The following HEATR5B variants were observed in gnomAD, a reference collection of about 807,000 sequenced individuals.
The protein encoded by HEATR5B is HEAT repeat containing 5B.
In HEATR5B, 156 loss-of-function variants were observed where a neutral mutation model predicts 224.1. That is an observed-to-expected ratio of 0.70 (90% CI 0.61 to 0.80). The LOEUF is 0.80. Ranked by LOEUF, HEATR5B falls within the 30% of genes least tolerant of loss-of-function variation. The probability of loss-of-function intolerance (pLI) is 0.00; values close to 1 mark genes in which losing one functional copy is unlikely to be tolerated. For synonymous variants in HEATR5B, 1,027 were observed against 893.0 expected, an observed-to-expected ratio of 1.15 and a Z score of -2.68; for missense variants, 2,323 against 2,535.5, an observed-to-expected ratio of 0.92 and a Z score of 1.80.
At chr2:37,061,886 C>A in intron 11 of HEATR5B, 53 bp downstream of exon 11, 1 of 998,558 alleles carries the variant, frequency 1.0e-6, no homozygotes. Flanking sequence ...ATTTGCTTTA[C>A]AGGCTACTGA....
At chr2:37,051,008 T>C (rs1030556533) in intron 17 of HEATR5B, among the ~76,000 whole-genome samples, 9 of 152,106 alleles carry the variant, frequency 5.9e-5, no homozygotes, top group Non-Finnish European at 7.4e-5. Context: ...ATCACACCAC[T>C]GCACTCCAGC....
intron 27 of HEATR5B, among the ~76,000 whole-genome samples, chr2:37,012,262 C>A (rs1667833222): frequency 6.6e-6 from 1 of 152,168 alleles, no homozygotes; most frequent in African/African-American, 2.4e-5. Flanking sequence ...CTTTCAAGAT[C>A]AAGAAATACA....
Position 37,076,899 on chromosome 2 carries a change from T to C in HEATR5B, c.447+12A>G. 1 of 1,579,922 alleles carries C rather than the reference T, an allele frequency of 6.3e-7. No individual in the cohort carries two copies. The highest frequency in any genetic ancestry group is 8.7e-7 in the Non-Finnish European group (1 of 1,149,818). ...AAGCAAATATTCAAATAATATTGGT[T>C]GTAAAACTTACCTCTGCACTTTTCA... On this transcript the variant is annotated intron_variant, in intron 4 of 35. Transcript: ENST00000233099.
chr2:37,070,206 C>A lies in HEATR5B; in HGVS notation c.927+24G>T, dbSNP rs1671825420. The A allele has an allele frequency of 2.5e-6, 4 of 1,612,270 alleles. No homozygotes were observed. The South Asian group carries it at 3.3e-5, about 13-fold the overall frequency. On this transcript the variant is annotated intron_variant, in intron 7 of 35. Coordinates refer to ENST00000233099, the MANE Select transcript of HEATR5B (RefSeq NM_019024.3). ...TGAGCCACCGTGCCTGGCCAAAATT[C>A]TTTCACACATACGTGTTACAAACCT...
At chr2:37,082,112 C>G (rs915438050) in intron 2 of HEATR5B, among the ~76,000 whole-genome samples, 9 of 114,934 alleles carry the variant, frequency 7.8e-5, no homozygotes, top group African/African-American at 2.0e-4. Context: ...TCTTGTCCCC[C>G]GGGCTGGAGT....
intron 27 of HEATR5B, among the ~76,000 whole-genome samples, chr2:37,012,449 G>A (rs1286328517): frequency 6.6e-6 from 1 of 151,656 alleles, no homozygotes; most frequent in African/African-American, 2.4e-5. Flanking sequence ...GCAGTGCAAT[G>A]GCGTGATCTT....
chr2:37,001,341 C>T (rs895365892), intron 32 of HEATR5B, among the ~76,000 whole-genome samples: 8 of 152,060 alleles, frequency 5.3e-5, no homozygotes, highest in African/African-American at 1.9e-4. Context: ...CAACCTCCCA[C>T]AAAAGGAAAA....
At chr2:37,066,586 T>C (rs1044945866) in intron 8 of HEATR5B, among the ~76,000 whole-genome samples, 4 of 152,164 alleles carry the variant, frequency 2.6e-5, no homozygotes, top group Non-Finnish European at 5.9e-5. Flanking sequence ...CCCAACCTTT[T>C]AGCTTCCACT....
intron 26 of HEATR5B, among the ~76,000 whole-genome samples, chr2:37,018,463 CCAA>C (rs1668262455): frequency 6.6e-6 from 1 of 152,196 alleles, no homozygotes; most frequent in African/African-American, 2.4e-5. Flanking sequence ...CTATCTCTTA[CCAA>C]CAACGTTTCT....
intron 17 of HEATR5B, among the ~76,000 whole-genome samples, chr2:37,052,857 C>A (rs192337374): frequency 2.0e-5 from 3 of 152,260 alleles, no homozygotes; most frequent in African/African-American, 7.2e-5. Context: ...CAGGACAGTA[C>A]AAGATTTTAT....
At position 37,075,814 on chromosome 2, in the gene HEATR5B, A is replaced by G. The variant is rs1572945946; in HGVS notation, c.448-180T>C. 7.2e-6 allele frequency: 3 copies of G among 419,210 alleles called. No individual in the cohort carries two copies. The East Asian group carries it at 1.1e-4, about 16-fold the overall frequency. 26.0% of individuals were successfully genotyped at this position (419,210 alleles called of 1,614,324 possible). A position where few individuals can be genotyped will look rare whatever the true frequency, so the allele number is the denominator to read the frequency against. On this transcript the variant is annotated intron_variant, in intron 4 of 35. Coordinates refer to ENST00000233099, the MANE Select transcript of HEATR5B (RefSeq NM_019024.3). ...AGTACCTGGCAAGTAAGAATAGTCAATTAAATAATATCTTTCTAAAAAATT... is the reference window on the plus strand; with the variant it reads ...AGTACCTGGCAAGTAAGAATAGTCAGTTAAATAATATCTTTCTAAAAAATT...
At chr2:37,040,288 A>C in intron 20 of HEATR5B, 41 bp downstream of exon 20, 1 of 1,475,172 alleles carries the variant, frequency 6.8e-7, no homozygotes, top group South Asian at 1.2e-5. Context: ...AAAGATACTG[A>C]TTATCTAACT....
intron 18 of HEATR5B, among the ~76,000 whole-genome samples, chr2:37,044,957 T>C (rs1005241589): frequency 6.6e-6 from 1 of 152,210 alleles, no homozygotes; most frequent in Non-Finnish European, 1.5e-5. Flanking sequence ...AAGATGTCAA[T>C]ACACAAATAC....
At position 37,070,108 on chromosome 2, in the gene HEATR5B, C is replaced by G. The variant is rs997897007; in HGVS notation, c.927+122G>C. On this transcript the variant is annotated intron_variant, in intron 7 of 35. Transcript: ENST00000233099. ...AGACATGGGGTTTCACCATGTTAGTCAGGCTGGTCTCAAACTCCTGACCTC... is the reference window on the plus strand; with the variant it reads ...AGACATGGGGTTTCACCATGTTAGTGAGGCTGGTCTCAAACTCCTGACCTC... 4.7e-6 allele frequency: 4 copies of G among 842,304 alleles called. No homozygotes were observed. The African/African-American group carries it at 6.8e-5, about 14-fold the overall frequency. The allele number at this position is 842,304 out of a possible 1,614,324, so 52.2% of individuals were successfully genotyped here.
intron 2 of HEATR5B, among the ~76,000 whole-genome samples, chr2:37,080,673 A>T (rs1168206703): frequency 6.6e-6 from 1 of 152,142 alleles, no homozygotes; most frequent in Admixed American, 6.5e-5. Context: ...TGCCACTTAG[A>T]TAAGAAAGAG....
intron 21 of HEATR5B, among the ~76,000 whole-genome samples, chr2:37,035,852 C>G (rs1473490155): frequency 1.3e-5 from 2 of 152,134 alleles, no homozygotes; most frequent in East Asian, 3.9e-4. Flanking sequence ...AACTAACTAT[C>G]CATGTGTCTA....
intron 5 of HEATR5B, among the ~76,000 whole-genome samples, chr2:37,072,898 A>T (rs1671991846): frequency 6.6e-6 from 1 of 152,232 alleles, no homozygotes; most frequent in African/African-American, 2.4e-5. Flanking sequence ...GAAATAGACA[A>T]TTCACTCAAG....
Position 37,005,709 on chromosome 2 carries a change from G to C in HEATR5B, c.4828C>G (p.His1610Asp). Residue 1610 changes from histidine to aspartate, a missense_variant, in exon 30 of 36, where the codon CAT becomes GAT. By Grantham distance (81) the His-to-Asp change is moderately conservative (BLOSUM62 -1). Coordinates refer to ENST00000233099, the MANE Select transcript of HEATR5B (RefSeq NM_019024.3). The part of the protein sequence containing the change: ...CSPRPEEPIE[H>D]VTACLQALHT... ...AAGGCCTGCAGGCATGCTGTAACAT[G>C]TTCAATGGGCTCCTCAGGTCTAGGG... 6.2e-7 allele frequency: 1 copy of C among 1,611,010 alleles called. No individual in the cohort carries two copies. The highest frequency in any genetic ancestry group is 8.5e-7 in the Non-Finnish European group (1 of 1,178,136).
chr2:37,083,106 T>C (rs563584830), intron 2 of HEATR5B, among the ~76,000 whole-genome samples, 183 bp downstream of exon 2: 3 of 152,274 alleles, frequency 2.0e-5, no homozygotes, highest in Non-Finnish European at 4.4e-5. Context: ...ATAAAGAAGA[T>C]AGGCAATGAG....
Sources: gnomAD v4.1 joint callset for allele counts (sites outside exome capture counted in the v4.1 genomes callset) on GRCh38, gnomAD v4.1.1 for gene constraint, MANE v1.5 for transcripts, NCBI Gene and HGNC (gene_info 2026-07-23, HGNC 2026-07-21) for gene names.